NRG3: variants seen among roughly 807,000 people sequenced by gnomAD.
NRG3 encodes neuregulin 3.
NRG3 carries 31 observed loss-of-function variants against 66.9 expected under a neutral mutation model. That is an observed-to-expected ratio of 0.46 (90% CI 0.35 to 0.63). The LOEUF is 0.63. Ranked by LOEUF, NRG3 falls within the 20% of genes least tolerant of loss-of-function variation. The pLI, the probability that NRG3 is intolerant of heterozygous loss-of-function variation, is 0.00. For missense variants in NRG3, 910 were observed against 878.9 expected (o/e 1.04, Z -0.45); for synonymous variants, 393 against 359.4 (o/e 1.09, Z -1.06).
At chr10:82,023,643 T>C (rs2062162234) in intron 1 of NRG3, among the ~76,000 whole-genome samples, 1 of 152,114 alleles carries the variant, frequency 6.6e-6, no homozygotes, top group Admixed American at 6.6e-5. Context: ...GTTAATGTCA[T>C]GTATCATGTT....
At chr10:82,779,988 T>G (rs2060056530) in intron 3 of NRG3, among the ~76,000 whole-genome samples, 1 of 152,014 alleles carries the variant, frequency 6.6e-6, no homozygotes, top group Non-Finnish European at 1.5e-5. Flanking sequence ...TTTCTGTTCT[T>G]GCGTTAGTTT....
chr10:82,694,596 A>C (rs1315985559), intron 2 of NRG3, among the ~76,000 whole-genome samples: 2 of 151,972 alleles, frequency 1.3e-5, no homozygotes, highest in East Asian at 3.9e-4. Flanking sequence ...TCTACTAAAA[A>C]TTTAAAAAAT....
chr10:82,067,334 G>A (rs2064536142), intron 1 of NRG3, among the ~76,000 whole-genome samples: 1 of 151,968 alleles, frequency 6.6e-6, no homozygotes, highest in African/African-American at 2.4e-5. Flanking sequence ...CTCTACTTTT[G>A]TTCCCCATTT....
intron 3 of NRG3, among the ~76,000 whole-genome samples, chr10:82,826,719 G>A (rs868807198): frequency 2.0e-5 from 3 of 152,084 alleles, no homozygotes; most frequent in Admixed American, 1.3e-4. Flanking sequence ...GAGTGCACAT[G>A]GACGCAAAGA....
intron 2 of NRG3, among the ~76,000 whole-genome samples, chr10:82,377,431 T>C (rs959591524): frequency 4.6e-5 from 7 of 150,566 alleles, no homozygotes; most frequent in Non-Finnish European, 7.4e-5. Context: ...TGTGTGTGTG[T>C]GCGCGTGTGT....
intron 2 of NRG3, among the ~76,000 whole-genome samples, chr10:82,564,355 A>T (rs1018929653): frequency 5.9e-4 from 90 of 152,284 alleles, no homozygotes; most frequent in African/African-American, 2.0e-3. Context: ...CTTCCATTTT[A>T]TCACCTATTT....
intron 2 of NRG3, among the ~76,000 whole-genome samples, chr10:82,641,612 C>T (rs1164725701): frequency 3.9e-5 from 6 of 152,060 alleles, no homozygotes; most frequent in African/African-American, 1.4e-4. Flanking sequence ...ACCTGGAGCC[C>T]AGGCACTCAC....
chr10:82,393,117 C>T (rs2086495131), intron 2 of NRG3, among the ~76,000 whole-genome samples: 1 of 152,086 alleles, frequency 6.6e-6, no homozygotes, highest in African/African-American at 2.4e-5. Flanking sequence ...CACAGAACCC[C>T]TCTGGACCCT....
intron 1 of NRG3, among the ~76,000 whole-genome samples, chr10:82,176,034 G>A (rs2073008774): frequency 6.6e-6 from 1 of 152,244 alleles, no homozygotes; most frequent in South Asian, 2.1e-4. Context: ...TTGAAAACGT[G>A]TTCATAAGAC....
intron 2 of NRG3, among the ~76,000 whole-genome samples, chr10:82,522,139 G>C (rs1464472181): frequency 6.6e-6 from 1 of 150,444 alleles, no homozygotes; most frequent in Non-Finnish European, 1.5e-5. Context: ...CACCCACCGG[G>C]TTCAAGTGAT....
At chr10:82,931,508 C>T (rs1223680661) in intron 4 of NRG3, among the ~76,000 whole-genome samples, 1 of 152,098 alleles carries the variant, frequency 6.6e-6, no homozygotes, top group African/African-American at 2.4e-5. Flanking sequence ...CCTCAGAGTA[C>T]CTGCCACAGA....
At chr10:82,951,199 T>C (rs1405879453) in intron 4 of NRG3, among the ~76,000 whole-genome samples, 2 of 152,234 alleles carry the variant, frequency 1.3e-5, no homozygotes, top group Non-Finnish European at 2.9e-5. Context: ...CCTAAAGTCA[T>C]AGAATGTCTT....
At chr10:81,975,075 C>G (rs568831599) in intron 1 of NRG3, among the ~76,000 whole-genome samples, 1 of 150,218 alleles carries the variant, frequency 6.7e-6, no homozygotes, top group Admixed American at 6.7e-5. Flanking sequence ...TAGCTCTACA[C>G]ACAGCAATGA....
intron 1 of NRG3, among the ~76,000 whole-genome samples, chr10:82,032,997 A>G (rs1304473504): frequency 6.6e-6 from 1 of 152,150 alleles, no homozygotes; most frequent in South Asian, 2.1e-4. Flanking sequence ...ATGAACACAT[A>G]TTAAATATTT....
At chr10:82,760,346 A>G (rs2059254415) in intron 3 of NRG3, among the ~76,000 whole-genome samples, 2 of 152,198 alleles carry the variant, frequency 1.3e-5, no homozygotes, top group African/African-American at 4.8e-5. Flanking sequence ...AGAAAAAAGC[A>G]TATAAGAAAA....
chr10:82,228,117 C>T (rs1040725234), intron 1 of NRG3, among the ~76,000 whole-genome samples: 1 of 152,130 alleles, frequency 6.6e-6, no homozygotes, highest in African/African-American at 2.4e-5. Context: ...AAAACCCAGA[C>T]CCCATAGAGA....
At chr10:82,325,348 A>G (rs2135196075) in intron 1 of NRG3, among the ~76,000 whole-genome samples, 1 of 151,686 alleles carries the variant, frequency 6.6e-6, no homozygotes, top group Admixed American at 6.6e-5. Context: ...TGCCTGGCTA[A>G]TTTTTTTGTT....
chr10:82,532,810 A>G (rs1033422239), intron 2 of NRG3, among the ~76,000 whole-genome samples: 3 of 151,496 alleles, frequency 2.0e-5, no homozygotes, highest in Non-Finnish European at 4.4e-5. Context: ...TTGCCAGATT[A>G]TGGTAGTCCT....
chr10:82,047,730 G>C (rs145125450), intron 1 of NRG3, among the ~76,000 whole-genome samples: 9,702 of 150,950 alleles, frequency 0.064, 515 homozygotes, highest in African/African-American at 0.16. Flanking sequence ...ATAATGACAG[G>C]TTCAAATTCA....
Sources: gnomAD v4.1 joint callset for allele counts (sites outside exome capture counted in the v4.1 genomes callset) on GRCh38, gnomAD v4.1.1 for gene constraint, MANE v1.5 for transcripts, NCBI Gene and HGNC (gene_info 2026-07-23, HGNC 2026-07-21) for gene names.